Variants in PKD1L1 observed in about 807,000 individuals in gnomAD.
PKD1L1 encodes the protein polycystin 1 like 1, transient receptor potential channel interacting.
In PKD1L1, 236 loss-of-function variants were observed where a neutral mutation model predicts 323.4. The observed-to-expected ratio is 0.73, with a 90% CI of 0.66 to 0.81. The LOEUF (loss-of-function observed/expected upper bound fraction) is 0.81, where lower values mean the gene tolerates loss of function less well. PKD1L1 is among the 40% of genes least tolerant of loss of function. PKD1L1 has a pLI of 0.00. For synonymous variants in PKD1L1, 1,344 were observed against 1,335.0 expected (o/e 1.01, Z -0.15); for missense variants, 3,320 against 3,508.0 (o/e 0.95, Z 1.35).
chr7:47,844,992 T>C lies in PKD1L1; in HGVS notation c.5237+3A>G, dbSNP rs753555241. ...AAGTCTTTATGTAGGAAATGGAACTTACCTCTGTAGCTTGGAAATGTCACT... is the reference window on the plus strand; with the variant it reads ...AAGTCTTTATGTAGGAAATGGAACTCACCTCTGTAGCTTGGAAATGTCACT... On this transcript the variant is annotated splice_donor_region_variant and intron_variant, in intron 33 of 56. Transcript: ENST00000289672. 3 of 1,611,370 alleles carry C rather than the reference T, an allele frequency of 1.9e-6. No homozygotes were observed. In the South Asian group the frequency reaches 3.3e-5, roughly 18 times the overall value.
At position 47,840,628 on chromosome 7, in the gene PKD1L1, T is replaced by C. The variant is rs1174493554; in HGVS notation, c.5446-61A>G. On this transcript the variant is annotated intron_variant, in intron 34 of 56. Transcript: ENST00000289672. This position sits in a 1 kb window ranked among gnomAD's most constrained non-coding sequence, Gnocchi z 4.1. Reference sequence around the variant, plus strand: ...TTTCACAGCAGACACCATGCAATGCTGGGCAGGGCTTCCTCGCACTTTCTC... The same window carrying C: ...TTTCACAGCAGACACCATGCAATGCCGGGCAGGGCTTCCTCGCACTTTCTC... The C allele has an allele frequency of 7.7e-7, 1 of 1,298,536 alleles. No homozygotes were observed. Among genetic ancestry groups the C allele is most frequent in the Non-Finnish European group, 1.1e-6 (1 of 900,620 alleles). The allele number at this position is 1,298,536 out of a possible 1,614,324, so 80.4% of individuals were successfully genotyped here.
At chr7:47,943,191 T>G (rs1788032309) in intron 2 of PKD1L1, among the ~76,000 whole-genome samples, 1 of 137,798 alleles carries the variant, frequency 7.3e-6, no homozygotes, top group Non-Finnish European at 1.5e-5. Flanking sequence ...TATATATATA[T>G]ATATATGTGT....
At chr7:47,956,195 G>T in the PKD1L1 span, among the ~76,000 whole-genome samples, 17 of 152,246 alleles carry the variant, frequency 1.1e-4, no homozygotes, top group South Asian at 3.1e-3. Context: ...GGTTCTGTTT[G>T]ATCATAACAC....
intron 56 of PKD1L1, among the ~76,000 whole-genome samples, chr7:47,779,368 G>A (rs1453288): frequency 0.24 from 36,092 of 152,046 alleles, 4,468 homozygotes; most frequent in South Asian, 0.27. Context: ...CAAAATGCTC[G>A]TGAGACTTTT....
At chr7:47,887,017 T>C (rs1427961219) in intron 17 of PKD1L1, among the ~76,000 whole-genome samples, 1 of 150,594 alleles carries the variant, frequency 6.6e-6, no homozygotes, top group Non-Finnish European at 1.5e-5. Context: ...CTAGGGGCCA[T>C]GATTTACTTT....
intron 16 of PKD1L1, 58 bp downstream of exon 16, chr7:47,890,484 G>A: frequency 6.5e-7 from 1 of 1,538,700 alleles, no homozygotes; most frequent in South Asian, 1.1e-5. Context: ...ACGGATGCTA[G>A]CACCAGGTGG....
intron 16 of PKD1L1, among the ~76,000 whole-genome samples, chr7:47,888,777 G>A (rs998130079): frequency 3.9e-5 from 6 of 152,080 alleles, no homozygotes; most frequent in South Asian, 2.1e-4. Context: ...GCTGCCTTCT[G>A]TCAAGCCCTC....
At chr7:47,793,047 TA>T (rs372134868) in intron 55 of PKD1L1, among the ~76,000 whole-genome samples, 2 of 146,358 alleles carry the variant, frequency 1.4e-5, no homozygotes, top group Non-Finnish European at 3.0e-5. Context: ...AATGCCTACA[TA>T]AAAAAAACTA....
At chr7:47,871,544 T>C (rs1430576772) in intron 24 of PKD1L1, among the ~76,000 whole-genome samples, 1 of 152,196 alleles carries the variant, frequency 6.6e-6, no homozygotes. Flanking sequence ...AGAACCCTTA[T>C]GGCCTAATCA....
intron 56 of PKD1L1, among the ~76,000 whole-genome samples, chr7:47,775,510 C>G (rs1786547285): frequency 6.6e-6 from 1 of 152,042 alleles, no homozygotes; most frequent in Non-Finnish European, 1.5e-5. Context: ...TACATACAAA[C>G]TAAATAATAT....
At position 47,839,414 on chromosome 7, in the gene PKD1L1, GC is replaced by G; in HGVS notation, c.5769+31del. On this transcript the variant is annotated intron_variant, in intron 36 of 56. Transcript: ENST00000289672. The surrounding 1 kb of genome is among the most constrained non-coding windows in gnomAD (Gnocchi z 4.3). ...GCCATGCTCTGCCGGTCAGCCAGGT[GC>G]GCCACGAGAGGCCACCTGGAGGGAG... The G allele has an allele frequency of 1.3e-6, 2 of 1,565,360 alleles. No individual in the cohort carries two copies. The highest frequency in any genetic ancestry group is 2.3e-5 in the South Asian group (2 of 86,092).
chr7:47,926,661 T>C (rs1270738887), intron 7 of PKD1L1, among the ~76,000 whole-genome samples: 2 of 152,152 alleles, frequency 1.3e-5, no homozygotes, highest in South Asian at 4.1e-4. Context: ...AAAGTTCATG[T>C]GGAAAAAGGA....
At chr7:47,834,738 G>T (rs997048581) in intron 39 of PKD1L1, among the ~76,000 whole-genome samples, 1 of 152,138 alleles carries the variant, frequency 6.6e-6, no homozygotes, top group Non-Finnish European at 1.5e-5. Context: ...AAAGTATTTA[G>T]ATGTCCCTCA....
chr7:47,877,538 C>A lies in PKD1L1; in HGVS notation c.3614G>T (p.Gly1205Val), dbSNP rs1265122965. The change falls in exon 22 of 57, where the codon GGT (glycine) becomes GTT (valine). Residue 1205 changes from glycine to valine, a missense_variant. By Grantham distance (109) the Gly-to-Val change is moderately radical. Transcript: ENST00000289672. Reference sequence around the variant, plus strand: ...ACTGAAGACGGTGTGTGCTTCCAGACCATGGTGGGGCTGCACCTGACAGGC... The same window carrying A: ...ACTGAAGACGGTGTGTGCTTCCAGAACATGGTGGGGCTGCACCTGACAGGC... The part of the protein sequence containing the change: ...DMACQVQPHH[G>V]LEAHTVFSVF... 1.2e-6 allele frequency: 2 copies of A among 1,614,020 alleles called. No homozygotes were observed. Among genetic ancestry groups the A allele is most frequent in the South Asian group, 2.2e-5 (2 of 91,070 alleles).
At chr7:47,835,284 G>T in intron 37 of PKD1L1, 41 bp from the exon 38 acceptor site, 1 of 1,313,364 alleles carries the variant, frequency 7.6e-7, no homozygotes, top group Non-Finnish European at 1.1e-6. Context: ...AACTCAATAT[G>T]AGTCCCGCTT....
At chr7:47,882,768 G>A (rs930422764) in intron 19 of PKD1L1, among the ~76,000 whole-genome samples, 30 of 152,248 alleles carry the variant, frequency 2.0e-4, no homozygotes, top group East Asian at 1.5e-3. Context: ...GCACAGCCAC[G>A]GGCTTTTGTC....
chr7:47,927,360 C>A (rs1787674699), intron 7 of PKD1L1, among the ~76,000 whole-genome samples: 1 of 151,984 alleles, frequency 6.6e-6, no homozygotes, highest in Non-Finnish European at 1.5e-5. Flanking sequence ...CTTACTGCAA[C>A]CTCCACCTCC....
intron 40 of PKD1L1, among the ~76,000 whole-genome samples, chr7:47,833,876 T>G (rs1785400388): frequency 6.6e-6 from 1 of 152,188 alleles, no homozygotes; most frequent in African/African-American, 2.4e-5. Context: ...GTCACAGGCC[T>G]CTTTGAGACC....
chr7:47,866,964 T>C (rs2128744135), intron 24 of PKD1L1, among the ~76,000 whole-genome samples: 2 of 152,260 alleles, frequency 1.3e-5, no homozygotes, highest in Admixed American at 1.3e-4. Context: ...GTTTCAATAA[T>C]TGCGCATTTA....
Sources: allele counts gnomAD v4.1 joint callset (sites outside exome capture counted in the v4.1 genomes callset), GRCh38; gene constraint gnomAD v4.1.1; non-coding constraint Gnocchi (gnomAD v3.1); transcripts MANE v1.5; gene names NCBI Gene and HGNC (gene_info 2026-07-23, HGNC 2026-07-21).